Variants in PRDM2 observed in about 807,000 individuals in gnomAD.
The protein encoded by PRDM2 is PR domain zinc finger protein 2.
Under a neutral mutation model 130.0 loss-of-function variants are expected in PRDM2, and 30 were observed. That is an observed-to-expected ratio of 0.23 (90% CI 0.17 to 0.31). The LOEUF (loss-of-function observed/expected upper bound fraction) is 0.31. Among genes scored for constraint, PRDM2 ranks in the 10% least tolerant of loss-of-function variants. The pLI is 1.00. For missense variants in PRDM2, 2,011 were observed against 2,108.4 expected (o/e 0.95, Z 0.90); for synonymous variants, 871 against 782.4 (o/e 1.11, Z -1.89).
intron 8 of PRDM2, among the ~76,000 whole-genome samples, chr1:13,807,862 G>A (rs1645109130): frequency 6.6e-6 from 1 of 152,186 alleles, no homozygotes; most frequent in African/African-American, 2.4e-5. Flanking sequence ...ATGCTCTGAG[G>A]CACCATTTCT....
rs138484684 is a variant in PRDM2, at chr1:13,779,212, G to T, written c.1417G>T (p.Val473Leu). ...CCAAGACACAATAAATTCTTCTGTC[G>T]TAGAAGAGAATGGGGAAGTTAAAGA... ...ASQDTINSSV[V>L]EENGEVKELH... The change falls in exon 8 of 10, where the codon GTA (valine) becomes TTA (leucine). Residue 473 changes from valine to leucine, a missense_variant. Coordinates refer to ENST00000311066, the MANE Select transcript of PRDM2 (RefSeq NM_001393986.1). This position sits in a 1 kb window ranked among gnomAD's most constrained non-coding sequence, Gnocchi z 4.9. 19 of 1,614,090 alleles carry T rather than the reference G, an allele frequency of 1.2e-5. No individual in the cohort carries two copies. Among genetic ancestry groups the T allele is most frequent in the Non-Finnish European group, 1.6e-5 (19 of 1,180,042 alleles).
Position 13,781,516 on chromosome 1 carries a change from C to T in PRDM2, c.3721C>T (p.His1241Tyr), listed in dbSNP as rs778363798. ...PQNFTDPSKAHVEHMQSLPED... is the reference protein window; with the variant it reads ...PQNFTDPSKAYVEHMQSLPED... ...GAACTTTACAGATCCCAGCAAGGCC[C>T]ATGTAGAGCATATGCAGAGCTTGCC... Residue 1241 changes from histidine to tyrosine, a missense_variant, in exon 8 of 10, where the codon CAT becomes TAT. By Grantham distance (83) the His-to-Tyr change is moderately conservative (BLOSUM62 2). Around this residue, in one of 5 missense-constraint regions of PRDM2, gnomAD observed 229 missense variants for 364.1 expected, o/e 0.63. Coordinates refer to ENST00000311066, the MANE Select transcript of PRDM2 (RefSeq NM_001393986.1). The surrounding 1 kb of genome is among the most constrained non-coding windows in gnomAD (Gnocchi z 6.1). 8 of 1,612,592 alleles carry T rather than the reference C, an allele frequency of 5.0e-6. No homozygotes were observed. The highest frequency in any genetic ancestry group is 4.0e-5 in the African/African-American group (3 of 74,822).
rs1557683714 is a variant in PRDM2 at position 13,823,290 on chromosome 1, C to CGTGT, written c.*160_*163dup. The CGTGT allele has an allele frequency of 3.8e-6, 5 of 1,317,604 alleles. No individual in the cohort carries two copies. The highest frequency in any genetic ancestry group is 5.4e-6 in the Non-Finnish European group (5 of 926,296). 81.6% of individuals were successfully genotyped at this position (1,317,604 alleles called of 1,614,324 possible). On this transcript the variant is annotated 3_prime_UTR_variant, in exon 10 of 10. Coordinates refer to ENST00000311066, the MANE Select transcript of PRDM2 (RefSeq NM_001393986.1). The stretch of plus-strand genomic sequence containing the variant: ...ATGTGCGCGCGTGCATGTGTGCGTG[C>CGTGT]GTGTGTGTTCACGTGTTCTCGTGCG...
intron 7 of PRDM2, 47 bp from the exon 8 acceptor site, chr1:13,778,371 G>A (rs767496109): frequency 6.6e-7 from 1 of 1,521,384 alleles, no homozygotes; most frequent in Non-Finnish European, 8.8e-7. Context: ...CAAGTAGCTG[G>A]TTTCCCATGC....
chr1:13,742,772 C>T (rs1344837775), intron 5 of PRDM2, among the ~76,000 whole-genome samples: 2 of 152,156 alleles, frequency 1.3e-5, no homozygotes, highest in Non-Finnish European at 2.9e-5. Flanking sequence ...GCAGATTTAT[C>T]CTACTGTAAG....
At chr1:13,767,840 T>C (rs1437165498) in intron 6 of PRDM2, among the ~76,000 whole-genome samples, 1 of 151,880 alleles carries the variant, frequency 6.6e-6, no homozygotes, top group Non-Finnish European at 1.5e-5. Context: ...TCAGGCATGG[T>C]ATCACATGCC....
At chr1:13,796,353 G>A (rs2100719528) in intron 8 of PRDM2, among the ~76,000 whole-genome samples, 1 of 152,314 alleles carries the variant, frequency 6.6e-6, no homozygotes, top group East Asian at 1.9e-4. Flanking sequence ...AATATCATAT[G>A]TAAACAAAGA....
chr1:13,821,986 T>C (rs984635548), intron 9 of PRDM2, among the ~76,000 whole-genome samples: 1 of 152,212 alleles, frequency 6.6e-6, no homozygotes, highest in Non-Finnish European at 1.5e-5. Flanking sequence ...TGAGCCTCCA[T>C]TTCTTTCATA....
At chr1:13,768,083 T>TC (rs1356671838) in intron 6 of PRDM2, among the ~76,000 whole-genome samples, 1 of 148,308 alleles carries the variant, frequency 6.7e-6, no homozygotes, top group Non-Finnish European at 1.5e-5. Context: ...AGTTTTTTTT[T>TC]TTTTTTTTTT....
chr1:13,752,093 G>A (rs1283144286), intron 6 of PRDM2, among the ~76,000 whole-genome samples: 2 of 152,092 alleles, frequency 1.3e-5, no homozygotes, highest in Non-Finnish European at 2.9e-5. Flanking sequence ...TTCTTATGGC[G>A]CCGACAAACG....
At chr1:13,820,207 G>A (rs921970340) in intron 9 of PRDM2, among the ~76,000 whole-genome samples, 10 of 152,166 alleles carry the variant, frequency 6.6e-5, no homozygotes. Flanking sequence ...CAGAAAAAAG[G>A]ATGGCCTTCT....
chr1:13,817,113 A>G (rs559755729), intron 9 of PRDM2, among the ~76,000 whole-genome samples: 8 of 152,348 alleles, frequency 5.3e-5, no homozygotes, highest in East Asian at 3.9e-4. Context: ...AAAATCTGAA[A>G]TGCCCCAAAA....
chr1:13,749,932 G>A (rs1023157678), intron 6 of PRDM2, among the ~76,000 whole-genome samples: 1 of 152,140 alleles, frequency 6.6e-6, no homozygotes, highest in Admixed American at 6.5e-5. Context: ...GGCCCGCCGC[G>A]CAGGACGCGG....
intron 8 of PRDM2, among the ~76,000 whole-genome samples, chr1:13,795,947 A>C (rs1644916402): frequency 6.6e-6 from 1 of 152,184 alleles, no homozygotes; most frequent in Admixed American, 6.5e-5. Flanking sequence ...AGCTGGGTTC[A>C]CACTCAGGGA....
Position 13,823,439 on chromosome 1 carries a change from C to A in PRDM2, c.*304C>A. The A allele has an allele frequency of 1.9e-6, 1 of 532,026 alleles. No individual in the cohort carries two copies. 33.0% of individuals were successfully genotyped at this position (532,026 alleles called of 1,614,324 possible). A position where few individuals can be genotyped will look rare whatever the true frequency, so the allele number is the denominator to read the frequency against. On this transcript the variant is annotated 3_prime_UTR_variant, in exon 10 of 10. Transcript: ENST00000311066. ...CTTGGGACCGTGTTCTGCAGCCCAG[C>A]CTTCCTGTTGGGGTGGGGCCTCTCC...
chr1:13,707,703 T>G (rs1642250730), intron 1 of PRDM2, among the ~76,000 whole-genome samples: 1 of 152,184 alleles, frequency 6.6e-6, no homozygotes, highest in Admixed American at 6.5e-5. Flanking sequence ...GCCCCCAGAT[T>G]TTTACATTTG....
rs185991005 is a variant in PRDM2, at chr1:13,812,580, C to T, written c.5037-3847C>T. On this transcript the variant is annotated intron_variant, in intron 8 of 9. Coordinates refer to ENST00000311066, the MANE Select transcript of PRDM2 (RefSeq NM_001393986.1). ...AGCAAGGTGGGACCCTAGCATGTCC[C>T]ACTTTGCCGTGTTAAAGTGAGATGC... is the stretch of plus-strand genomic sequence containing the variant. Among the ~76,000 whole-genome samples the T allele has an allele frequency of 1.5e-3, 232 of 152,292 alleles. 7 individuals are homozygous for T. In the East Asian group the frequency reaches 0.038, roughly 25 times the overall value.
chr1:13,802,712 A>T (rs761481962), intron 8 of PRDM2, among the ~76,000 whole-genome samples: 1 of 152,204 alleles, frequency 6.6e-6, no homozygotes, highest in Non-Finnish European at 1.5e-5. Flanking sequence ...GCTGGATCTC[A>T]TAAGGGACCA....
intron 6 of PRDM2, among the ~76,000 whole-genome samples, chr1:13,766,375 T>TA (rs1393671043): frequency 6.6e-6 from 1 of 152,308 alleles, no homozygotes; most frequent in East Asian, 1.9e-4. Context: ...ATGAAAGAAA[T>TA]ACCAAGTTGT....
Sources: gnomAD v4.1 joint callset for allele counts (sites outside exome capture counted in the v4.1 genomes callset) on GRCh38, gnomAD v4.1.1 for gene constraint, gnomAD v4.1.1 regional missense constraint, Gnocchi (gnomAD v3.1) non-coding constraint, MANE v1.5 for transcripts, NCBI Gene and HGNC (gene_info 2026-07-23, HGNC 2026-07-21) for gene names.